The following SPIDR variants were observed in gnomAD, a reference collection of about 807,000 sequenced individuals.
SPIDR encodes scaffold protein involved in DNA repair, also known as DNA repair-scaffolding protein.
Under a neutral mutation model 104.6 loss-of-function variants are expected in SPIDR, and 93 were observed. The ratio of observed to expected loss-of-function variants is 0.89; its 90% confidence interval spans 0.75 to 1.06. The LOEUF is 1.06. SPIDR is among the 50% of genes least tolerant of loss of function. SPIDR has a pLI of 0.00. For synonymous variants in SPIDR, 431 were observed against 416.9 expected (o/e 1.03, Z -0.41); for missense variants, 1,154 against 1,111.2 (o/e 1.04, Z -0.55).
intron 5 of SPIDR, among the ~76,000 whole-genome samples, chr8:47,352,200 C>T (rs1024915345): frequency 2.6e-5 from 4 of 151,554 alleles, no homozygotes; most frequent in Non-Finnish European, 4.4e-5. Flanking sequence ...TCACTTGAAC[C>T]CGGGAGGCGG....
At chr8:47,523,964 A>G (rs1173556167) in intron 8 of SPIDR, among the ~76,000 whole-genome samples, 1 of 152,198 alleles carries the variant, frequency 6.6e-6, no homozygotes, top group African/African-American at 2.4e-5. Flanking sequence ...AAAAAACACA[A>G]TGACAGATTA....
intron 10 of SPIDR, among the ~76,000 whole-genome samples, chr8:47,614,070 T>G (rs1256268379): frequency 6.6e-6 from 1 of 152,104 alleles, no homozygotes; most frequent in Non-Finnish European, 1.5e-5. Flanking sequence ...CTTCCCTGTG[T>G]CCATAAGTTC....
In SPIDR at chr8:47,735,522, GTTAT is replaced by G; in HGVS notation, c.*75_*78del. ...GTGGTGGTGGTGGTGATTTGGGGTA[GTTAT>G]TTGTTAACTATGGACACAGTGAACG... On this transcript the variant is annotated 3_prime_UTR_variant, in exon 20 of 20. Transcript: ENST00000297423. 6.2e-7 allele frequency: 1 copy of G among 1,607,920 alleles called. No homozygotes were observed. Among genetic ancestry groups the G allele is most frequent in the Middle Eastern group, 1.7e-4 (1 of 5,974 alleles).
At chr8:47,635,199 C>T (rs981161186) in intron 10 of SPIDR, among the ~76,000 whole-genome samples, 3 of 152,020 alleles carry the variant, frequency 2.0e-5, no homozygotes, top group African/African-American at 4.8e-5. Flanking sequence ...CAAAAATTAG[C>T]TGGACATGAT....
At chr8:47,271,497 C>T (rs981346754) in intron 1 of SPIDR, among the ~76,000 whole-genome samples, 2 of 152,094 alleles carry the variant, frequency 1.3e-5, no homozygotes, top group Non-Finnish European at 2.9e-5. Flanking sequence ...TGCTGTTGAG[C>T]TCCTCTGGTG....
chr8:47,380,234 G>C (rs547990834), intron 5 of SPIDR, among the ~76,000 whole-genome samples: 1 of 152,328 alleles, frequency 6.6e-6, no homozygotes, highest in South Asian at 2.1e-4. Context: ...CCTGGCAGAA[G>C]GCTCCCTTGC....
chr8:47,616,186 A>G (rs1468321611), intron 10 of SPIDR, among the ~76,000 whole-genome samples: 3 of 152,228 alleles, frequency 2.0e-5, no homozygotes, highest in Admixed American at 1.3e-4. Context: ...TGCTGTAGGT[A>G]GAATTTCCAG....
intron 5 of SPIDR, among the ~76,000 whole-genome samples, chr8:47,302,654 C>T (rs2042321401): frequency 6.6e-6 from 1 of 152,206 alleles, no homozygotes; most frequent in Non-Finnish European, 1.5e-5. Flanking sequence ...TGTTAGTTTT[C>T]CTTCTAACAG....
intron 4 of SPIDR, among the ~76,000 whole-genome samples, chr8:47,292,756 A>G (rs2040147630): frequency 6.6e-6 from 1 of 152,068 alleles, no homozygotes; most frequent in Non-Finnish European, 1.5e-5. Flanking sequence ...ACATTGCAAT[A>G]TGTATTAATT....
At chr8:47,323,635 T>G (rs1246757888) in intron 5 of SPIDR, among the ~76,000 whole-genome samples, 2 of 152,158 alleles carry the variant, frequency 1.3e-5, no homozygotes, top group Non-Finnish European at 2.9e-5. Flanking sequence ...TTAAATGCCT[T>G]CAGTAACGTA....
At chr8:47,594,792 GA>G (rs2061465170) in intron 8 of SPIDR, among the ~76,000 whole-genome samples, 2 of 152,074 alleles carry the variant, frequency 1.3e-5, no homozygotes, top group Admixed American at 1.3e-4. Flanking sequence ...TCAGGAGTTT[GA>G]GACCAATCTG....
At chr8:47,523,268 C>G (rs1260316117) in intron 8 of SPIDR, among the ~76,000 whole-genome samples, 1 of 152,046 alleles carries the variant, frequency 6.6e-6, no homozygotes, top group African/African-American at 2.4e-5. Flanking sequence ...TGATTGAAAA[C>G]CTATTTCGTT....
intron 5 of SPIDR, among the ~76,000 whole-genome samples, chr8:47,311,939 A>G (rs2044249163): frequency 6.6e-6 from 1 of 152,026 alleles, no homozygotes; most frequent in Non-Finnish European, 1.5e-5. Context: ...CTCATTGTTC[A>G]GTTCCCACCT....
chr8:47,494,423 C>T (rs2079149232), intron 8 of SPIDR, among the ~76,000 whole-genome samples: 1 of 151,942 alleles, frequency 6.6e-6, no homozygotes, highest in Non-Finnish European at 1.5e-5. Context: ...TGAGAAATAA[C>T]ATTTTTCAAA....
intron 11 of SPIDR, among the ~76,000 whole-genome samples, chr8:47,676,659 G>A (rs561319057): frequency 6.6e-5 from 10 of 152,018 alleles, no homozygotes; most frequent in African/African-American, 1.2e-4. Flanking sequence ...ATCTAATACC[G>A]AAAATAACCT....
At chr8:47,365,833 TA>T (rs571217439) in intron 5 of SPIDR, among the ~76,000 whole-genome samples, 19 of 152,208 alleles carry the variant, frequency 1.2e-4, no homozygotes, top group African/African-American at 4.6e-4. Flanking sequence ...AAAGAGATTA[TA>T]AAAATAGGTG....
intron 10 of SPIDR, among the ~76,000 whole-genome samples, chr8:47,672,514 T>C (rs998960816): frequency 6.6e-6 from 1 of 152,214 alleles, no homozygotes; most frequent in Non-Finnish European, 1.5e-5. Flanking sequence ...TTCAGATGCA[T>C]ATAGCCATTT....
chr8:47,482,910 C>T (rs189045041), intron 8 of SPIDR, among the ~76,000 whole-genome samples: 18 of 152,162 alleles, frequency 1.2e-4, no homozygotes, highest in African/African-American at 4.3e-4. Flanking sequence ...ATCTCAGCAG[C>T]TGTGTTTTTA....
intron 8 of SPIDR, among the ~76,000 whole-genome samples, chr8:47,552,635 G>A (rs199908399): frequency 6.6e-6 from 1 of 151,542 alleles, no homozygotes. Context: ...CCATCCCTTT[G>A]TTTTGAGCCT....
Sources: gnomAD v4.1 joint callset for allele counts (sites outside exome capture counted in the v4.1 genomes callset) on GRCh38, gnomAD v4.1.1 for gene constraint, MANE v1.5 for transcripts, NCBI Gene and HGNC (gene_info 2026-07-23, HGNC 2026-07-21) for gene names.